ETV6: variants seen among roughly 807,000 people sequenced by gnomAD.
ETV6 encodes ETS variant transcription factor 6.
ETV6 carries 16 observed loss-of-function variants against 51.1 expected under a neutral mutation model. The ratio of observed to expected loss-of-function variants is 0.31; its 90% CI spans 0.21 to 0.48. ETV6 has a LOEUF of 0.48. ETV6 is among the 20% of genes least tolerant of loss of function. The probability of loss-of-function intolerance (pLI) is 0.99; values close to 1 mark genes in which losing one functional copy is unlikely to be tolerated. For synonymous variants in ETV6, 240 were observed against 224.1 expected, an observed-to-expected ratio of 1.07 and a Z score of -0.64; for missense variants, 458 against 594.8, an observed-to-expected ratio of 0.77 and a Z score of 2.39.
intron 1 of ETV6, among the ~76,000 whole-genome samples, chr12:11,713,908 A>G (rs1207650509): frequency 6.6e-6 from 1 of 152,226 alleles, no homozygotes; most frequent in Non-Finnish European, 1.5e-5. Flanking sequence ...GGAGATTCCT[A>G]TGTGCAACCA....
intron 1 of ETV6, among the ~76,000 whole-genome samples, chr12:11,687,000 C>G (rs964798798): frequency 6.6e-6 from 1 of 152,162 alleles, no homozygotes; most frequent in African/African-American, 2.4e-5. Context: ...ATTCTCCTGC[C>G]TCTGCCTCCT....
At chr12:11,660,378 G>A (rs1864078997) in intron 1 of ETV6, among the ~76,000 whole-genome samples, 1 of 152,144 alleles carries the variant, frequency 6.6e-6, no homozygotes. Flanking sequence ...GCCGAGGCGG[G>A]TGAATCACCT....
chr12:11,883,904 C>T (rs1353447765), intron 5 of ETV6, among the ~76,000 whole-genome samples: 3 of 152,180 alleles, frequency 2.0e-5, no homozygotes, highest in Non-Finnish European at 4.4e-5. Context: ...TCTTTTCCCA[C>T]CATTTTTCAC....
chr12:11,663,837 G>A (rs1591593814), intron 1 of ETV6, among the ~76,000 whole-genome samples: 1 of 152,128 alleles, frequency 6.6e-6, no homozygotes, highest in Non-Finnish European at 1.5e-5. Flanking sequence ...TGTTGTTTAC[G>A]TGCTTCTATG....
intron 4 of ETV6, among the ~76,000 whole-genome samples, chr12:11,854,644 T>A (rs767994542): frequency 6.6e-6 from 1 of 152,210 alleles, no homozygotes; most frequent in Non-Finnish European, 1.5e-5. Flanking sequence ...ATGATCAGCA[T>A]TTTGTCATTG....
intron 4 of ETV6, among the ~76,000 whole-genome samples, chr12:11,858,959 G>A (rs189883007): frequency 1.1e-3 from 161 of 152,038 alleles, no homozygotes; most frequent in African/African-American, 3.4e-3. Flanking sequence ...TGTGTTCTGC[G>A]ATGGCCCACA....
chr12:11,717,494 C>A (rs1225210114), intron 1 of ETV6, among the ~76,000 whole-genome samples: 2 of 152,172 alleles, frequency 1.3e-5, no homozygotes, highest in Non-Finnish European at 1.5e-5. Flanking sequence ...AACTGCTTTT[C>A]CCTATAGTGT....
intron 1 of ETV6, among the ~76,000 whole-genome samples, chr12:11,667,916 G>A (rs1189266436): frequency 6.6e-6 from 1 of 151,836 alleles, no homozygotes; most frequent in Non-Finnish European, 1.5e-5. Flanking sequence ...TGGCCAGGCT[G>A]GTCTTGAACT....
intron 5 of ETV6, among the ~76,000 whole-genome samples, chr12:11,879,117 G>T (rs1470593796): frequency 1.3e-5 from 2 of 151,908 alleles, no homozygotes; most frequent in Non-Finnish European, 2.9e-5. Context: ...ATGCTACTTT[G>T]CGTGTTTTGT....
At chr12:11,734,247 G>T (rs1186100679) in intron 1 of ETV6, among the ~76,000 whole-genome samples, 1 of 152,110 alleles carries the variant, frequency 6.6e-6, no homozygotes, top group Non-Finnish European at 1.5e-5. Context: ...TTATCATATA[G>T]TCCCCTATGT....
At chr12:11,883,778 A>G (rs897631813) in intron 5 of ETV6, among the ~76,000 whole-genome samples, 1 of 152,168 alleles carries the variant, frequency 6.6e-6, no homozygotes, top group African/African-American at 2.4e-5. Context: ...GATCCACTAT[A>G]TCAAAACATT....
intron 2 of ETV6, among the ~76,000 whole-genome samples, chr12:11,818,897 T>C (rs1946035551): frequency 6.6e-6 from 1 of 152,008 alleles, no homozygotes; most frequent in Non-Finnish European, 1.5e-5. Flanking sequence ...TGCTCCTCCC[T>C]CCTGGCCCTC....
At chr12:11,737,183 C>T (rs1865719251) in intron 1 of ETV6, among the ~76,000 whole-genome samples, 1 of 152,142 alleles carries the variant, frequency 6.6e-6, no homozygotes, top group Admixed American at 6.5e-5. Flanking sequence ...TAGATCCAGA[C>T]TGAAGGGAAG....
In ETV6 at chr12:11,833,957, C is replaced by G. The variant is rs1946279748; in HGVS notation, c.164-5183C>G. Among the ~76,000 whole-genome samples, 3 of 152,084 alleles carry G rather than the reference C, an allele frequency of 2.0e-5. No individual in the cohort carries two copies. In the South Asian group the frequency reaches 6.2e-4, roughly 32 times the overall value. On this transcript the variant is annotated intron_variant, in intron 2 of 7. Transcript: ENST00000396373. ...AGTGATAAGATTCAGTGTAAATGTTCAGTAATTGCTAGCTGTTACTATCAA... is the reference window on the plus strand; with the variant it reads ...AGTGATAAGATTCAGTGTAAATGTTGAGTAATTGCTAGCTGTTACTATCAA...
chr12:11,894,026 G>A lies in ETV6; in HGVS notation c.*2980G>A. 4.4e-6 allele frequency: 1 copy of A among 226,144 alleles called. No individual in the cohort carries two copies. Among genetic ancestry groups the A allele is most frequent in the South Asian group, 1.8e-4 (1 of 5,422 alleles). The allele number at this position is 226,144 out of a possible 1,614,324, so 14.0% of individuals were successfully genotyped here. A position where few individuals can be genotyped will look rare whatever the true frequency, so the allele number is the denominator to read the frequency against. ...CATTTGTTCTTTATGAGAAAACCCG[G>A]GTAGTGCCAGCACCTGGATACAGTA... On this transcript the variant is annotated 3_prime_UTR_variant, in exon 8 of 8. Coordinates refer to ENST00000396373, the MANE Select transcript of ETV6 (RefSeq NM_001987.5).
intron 1 of ETV6, among the ~76,000 whole-genome samples, chr12:11,668,228 C>T (rs567997905): frequency 7.1e-6 from 1 of 140,944 alleles, no homozygotes; most frequent in Non-Finnish European, 1.6e-5. Flanking sequence ...GAGAAAATTT[C>T]ATGAGCCTTT....
chr12:11,812,535 G>T (rs562129912), intron 2 of ETV6, among the ~76,000 whole-genome samples: 2 of 152,276 alleles, frequency 1.3e-5, no homozygotes, highest in South Asian at 4.2e-4. Flanking sequence ...GAGCCCTGGG[G>T]GTGGTTGAGT....
At position 11,697,512 on chromosome 12, in the gene ETV6, A is replaced by G. The variant is rs149389985; in HGVS notation, c.33+47352A>G. Reference sequence around the variant, plus strand: ...TGTGGGCCTTGCAATTTCTCTGGTAAAATTAGAGAATATGACCAAGATTAT... The same window carrying G: ...TGTGGGCCTTGCAATTTCTCTGGTAGAATTAGAGAATATGACCAAGATTAT... On this transcript the variant is annotated intron_variant, in intron 1 of 7. Transcript: ENST00000396373. Among the ~76,000 whole-genome samples the G allele has an allele frequency of 1.4e-3, 219 of 152,308 alleles. 1 individual carries two copies. The highest frequency in any genetic ancestry group is 4.9e-3 in the African/African-American group (205 of 41,566).
intron 2 of ETV6, among the ~76,000 whole-genome samples, chr12:11,824,260 T>G (rs1307166638): frequency 2.0e-5 from 3 of 152,210 alleles, no homozygotes; most frequent in Non-Finnish European, 4.4e-5. Context: ...TTTGGTAGCC[T>G]TTGGAACAGG....
Sources: allele counts gnomAD v4.1 joint callset (sites outside exome capture counted in the v4.1 genomes callset), GRCh38; gene constraint gnomAD v4.1.1; transcripts MANE v1.5; gene names NCBI Gene and HGNC (gene_info 2026-07-23, HGNC 2026-07-21).